The following SLC12A3 variants were observed in gnomAD, a reference collection of about 807,000 sequenced individuals.
The protein encoded by SLC12A3 is solute carrier family 12 member 3, also known as Na-Cl cotransporter.
Under a neutral mutation model 121.0 loss-of-function variants are expected in SLC12A3, and 104 were observed. The observed-to-expected ratio is 0.86, with a 90% CI of 0.73 to 1.01. The LOEUF (loss-of-function observed/expected upper bound fraction) is 1.01, where lower values mean the gene tolerates loss of function less well. SLC12A3 is among the 50% of genes least tolerant of loss of function. The pLI, the probability that SLC12A3 is intolerant of heterozygous loss-of-function variation, is 0.00. For missense variants in SLC12A3, 1,328 were observed against 1,356.3 expected (o/e 0.98, Z 0.33); for synonymous variants, 536 against 533.4 (o/e 1.00, Z -0.07).
At chr16:56,878,020 G>GTCCCTCCCTCCCTCTCTCCCTCTC in intron 8 of SLC12A3, 57 bp from the exon 9 acceptor site, 1 of 598,946 alleles carries the variant, frequency 1.7e-6, no homozygotes, top group Non-Finnish European at 2.5e-6. Context: ...AATGTCCTCC[G>GTCCCTCCCTCCCTCTCTCCCTCTC]TCCCTCCCTC....
chr16:56,870,246 G>A lies in SLC12A3; in HGVS notation c.741+11G>A, dbSNP rs2055075060. 6.2e-7 allele frequency: 1 copy of A among 1,611,566 alleles called. No individual in the cohort carries two copies. The highest frequency in any genetic ancestry group is 1.7e-5 in the Admixed American group (1 of 59,980). ...CGGGACCTGCTCCAGGTGAGGCCGG[G>A]GGGCTGGACCCTGGGTAGAGGGATC... On this transcript the variant is annotated intron_variant, in intron 5 of 25. Transcript: ENST00000563236.
chr16:56,878,193 G>A (rs759855988), intron 9 of SLC12A3, 32 bp downstream of exon 9: 60 of 1,527,438 alleles, frequency 3.9e-5, no homozygotes, highest in Non-Finnish European at 5.2e-5. Context: ...TCAGGAGGGG[G>A]AGGGACCTGG....
At position 56,894,512 on chromosome 16, in the gene SLC12A3, C is replaced by T. The variant is rs202196913; in HGVS notation, c.2522-19C>T. On this transcript the variant is annotated intron_variant, in intron 21 of 25. Transcript: ENST00000563236. ...CTGAGTGTATTCTTGTCATGACTCA[C>T]GGGGACTCTCCTTGCCAGGCCTCAC... The T allele has an allele frequency of 8.5e-5, 134 of 1,573,450 alleles. No individual in the cohort carries two copies. In the African/African-American group the frequency reaches 8.6e-4, roughly 10 times the overall value.
chr16:56,886,690 C>T (rs553082673), intron 16 of SLC12A3, among the ~76,000 whole-genome samples: 2 of 152,226 alleles, frequency 1.3e-5, no homozygotes, highest in African/African-American at 4.8e-5. Context: ...AGCCAGGCAC[C>T]CCCCATGGAC....
intron 15 of SLC12A3, among the ~76,000 whole-genome samples, chr16:56,885,714 T>C (rs1425563750): frequency 6.6e-6 from 1 of 152,130 alleles, no homozygotes; most frequent in Non-Finnish European, 1.5e-5. Flanking sequence ...CCCCTCTTTG[T>C]AGAGGAGGTT....
intron 20 of SLC12A3, 100 bp from the exon 21 acceptor site, chr16:56,892,853 C>G: frequency 2.3e-6 from 2 of 887,880 alleles, no homozygotes; most frequent in Admixed American, 2.0e-5. Context: ...GCCAGAGAAC[C>G]CGTGTTCAAC....
At chr16:56,887,414 C>G (rs1434051886) in intron 17 of SLC12A3, among the ~76,000 whole-genome samples, 1 of 151,964 alleles carries the variant, frequency 6.6e-6, no homozygotes, top group Admixed American at 6.6e-5. Context: ...ACCATGTTGG[C>G]CAGGCTGGTC....
chr16:56,872,909 C>T (rs2055118163), intron 8 of SLC12A3, 123 bp downstream of exon 8: 2 of 1,262,516 alleles, frequency 1.6e-6, no homozygotes, highest in African/African-American at 2.9e-5. Context: ...AAATCCAGTC[C>T]AGTCCAACTC....
chr16:56,911,647 A>G (rs2055687403), intron 25 of SLC12A3, among the ~76,000 whole-genome samples: 1 of 150,808 alleles, frequency 6.6e-6, no homozygotes. Context: ...AAAGGAGGGT[A>G]GGGCTTGTCC....
At chr16:56,899,736 C>T in intron 23 of SLC12A3, 120 bp downstream of exon 23, 2 of 774,754 alleles carry the variant, frequency 2.6e-6, no homozygotes, top group Non-Finnish European at 4.6e-6. Context: ...CCAAGCCCTT[C>T]CTAGATGTGT....
At chr16:56,898,619 G>A (rs34433002) in intron 22 of SLC12A3, among the ~76,000 whole-genome samples, 38,255 of 151,676 alleles carry the variant, frequency 0.25, 5,357 homozygotes, top group African/African-American at 0.39. Context: ...TGCCCCACCC[G>A]CTTTGGCCTG....
intron 22 of SLC12A3, among the ~76,000 whole-genome samples, chr16:56,895,425 C>T (rs2055449544): frequency 6.6e-6 from 1 of 150,766 alleles, no homozygotes; most frequent in African/African-American, 2.4e-5. Context: ...AACTCCTGAC[C>T]TCAAGTGATC....
chr16:56,912,533 T>C (rs12596509), intron 25 of SLC12A3, among the ~76,000 whole-genome samples: 88,999 of 152,022 alleles, frequency 0.59, 26,694 homozygotes, highest in African/African-American at 0.7. Flanking sequence ...GGCCACAGGC[T>C]GGCACAGGGC....
chr16:56,873,380 T>C (rs398042185), intron 8 of SLC12A3, among the ~76,000 whole-genome samples: 20,252 of 103,638 alleles, frequency 0.2, 1,247 homozygotes, highest in South Asian at 0.26. Flanking sequence ...CTTTCTTTTT[T>C]TTTTTTTTTT....
intron 24 of SLC12A3, among the ~76,000 whole-genome samples, chr16:56,903,503 A>C (rs921386219): frequency 2.6e-5 from 4 of 152,200 alleles, no homozygotes; most frequent in Non-Finnish European, 5.9e-5. Context: ...TGCTACTGTC[A>C]GGCAGTGAGG....
rs1230351274 is a variant in SLC12A3 at position 56,913,432 on chromosome 16, AGCTCT to A, written c.*29_*33del. The A allele has an allele frequency of 6.2e-7, 1 of 1,612,614 alleles. No homozygotes were observed. The highest frequency in any genetic ancestry group is 2.2e-5 in the East Asian group (1 of 44,898). On this transcript the variant is annotated 3_prime_UTR_variant, in exon 26 of 26. Transcript: ENST00000563236. ...TCCAGGCTTTGACATCCCTGTCCAC[AGCTCT>A]GAGTGTGTGGGATAAGTTGGAACTT...
At position 56,888,118 on chromosome 16, in the gene SLC12A3, A is replaced by G. The variant is rs188803442; in HGVS notation, c.2285+87A>G. The G allele has an allele frequency of 1.9e-4, 187 of 985,488 alleles. No homozygotes were observed. The African/African-American group carries it at 2.7e-3, about 14-fold the overall frequency. 61.0% of individuals were successfully genotyped at this position (985,488 alleles called of 1,614,324 possible). ...AGTGGAAAAGAAGTAGTGGGTGCTT[A>G]AAAAGTTGAGTCCTGCTGGGCAAAG... On this transcript the variant is annotated intron_variant, in intron 18 of 25. Transcript: ENST00000563236.
At chr16:56,865,572 C>G (rs1309925503) in intron 1 of SLC12A3, 55 bp downstream of exon 1, 180 of 1,575,920 alleles carry the variant, frequency 1.1e-4, no homozygotes, top group Non-Finnish European at 7.6e-5. Context: ...CTCGACCCAG[C>G]TACCTAACCT....
intron 8 of SLC12A3, among the ~76,000 whole-genome samples, chr16:56,876,726 G>A (rs748916514): frequency 6.6e-6 from 1 of 152,198 alleles, no homozygotes; most frequent in Non-Finnish European, 1.5e-5. Flanking sequence ...CTAATCTGCG[G>A]TGCCATCTGC....
Sources: gnomAD v4.1 joint callset for allele counts (sites outside exome capture counted in the v4.1 genomes callset) on GRCh38, gnomAD v4.1.1 for gene constraint, MANE v1.5 for transcripts, NCBI Gene and HGNC (gene_info 2026-07-23, HGNC 2026-07-21) for gene names.